SEMA6D: variants seen among roughly 807,000 people sequenced by gnomAD.
SEMA6D encodes semaphorin-6D.
Under a neutral mutation model 106.6 loss-of-function variants are expected in SEMA6D, and 35 were observed. That is an observed-to-expected ratio of 0.33 (90% CI 0.25 to 0.44). The LOEUF is 0.44. Ranked by LOEUF, SEMA6D falls within the 20% of genes least tolerant of loss-of-function variation. The probability of loss-of-function intolerance (pLI) is 1.00; values close to 1 mark genes in which losing one functional copy is unlikely to be tolerated. For missense variants in SEMA6D, 1,185 were observed against 1,345.9 expected (o/e 0.88, Z 1.87); for synonymous variants, 499 against 487.7 (o/e 1.02, Z -0.31).
At chr15:47,716,095 G>T (rs1383572669), upstream of SEMA6D, among the ~76,000 whole-genome samples, 1 of 152,160 alleles carries the variant, frequency 6.6e-6, no homozygotes, top group Non-Finnish European at 1.5e-5. Flanking sequence ...GCCAACAAAA[G>T]ACCTAATAAC....
chr15:47,498,158 TACA>T (rs1197712692), intron 3 of SEMA6D, among the ~76,000 whole-genome samples: 1 of 152,178 alleles, frequency 6.6e-6, no homozygotes, highest in Non-Finnish European at 1.5e-5. Context: ...AGCTACTGCC[TACA>T]ACACCACTTT....
At chr15:47,484,416 G>C (rs2141340079) in intron 3 of SEMA6D, among the ~76,000 whole-genome samples, 1 of 150,062 alleles carries the variant, frequency 6.7e-6, no homozygotes, top group Admixed American at 6.8e-5. Flanking sequence ...GCAGTAGCAA[G>C]GCAAGGCTAT....
At chr15:47,316,868 G>A (rs2143434142) in intron 1 of SEMA6D, among the ~76,000 whole-genome samples, 1 of 152,244 alleles carries the variant, frequency 6.6e-6, no homozygotes, top group South Asian at 2.1e-4. Context: ...ATATTAGTCT[G>A]TATTTTTCTT....
chr15:47,214,012 G>A (rs2030317601), intron 1 of SEMA6D, among the ~76,000 whole-genome samples: 1 of 151,980 alleles, frequency 6.6e-6, no homozygotes, highest in Non-Finnish European at 1.5e-5. Flanking sequence ...GTGGTGGCTC[G>A]CAGACCTGGG....
intron 1 of SEMA6D, among the ~76,000 whole-genome samples, chr15:47,267,868 G>A (rs564506293): frequency 2.6e-5 from 4 of 152,048 alleles, no homozygotes; most frequent in South Asian, 2.1e-4. Flanking sequence ...TTGATTTTAC[G>A]TTACTTATCT....
At chr15:47,508,945 G>T (rs1219219060) in intron 3 of SEMA6D, among the ~76,000 whole-genome samples, 2 of 150,728 alleles carry the variant, frequency 1.3e-5, no homozygotes, top group South Asian at 2.1e-4. Context: ...ATTTCTGCTG[G>T]TTTTTTTTTG....
At chr15:47,715,506 A>G (rs180681725), upstream of SEMA6D, among the ~76,000 whole-genome samples, 268 of 152,316 alleles carry the variant, frequency 1.8e-3, 1 homozygote, top group Middle Eastern at 3.4e-3. Flanking sequence ...TACCATTCGT[A>G]CCATGCCACA....
intron 1 of SEMA6D, among the ~76,000 whole-genome samples, chr15:47,216,774 A>G (rs1009510195): frequency 6.6e-6 from 1 of 152,154 alleles, no homozygotes; most frequent in Non-Finnish European, 1.5e-5. Flanking sequence ...AATATTAAAC[A>G]TCAAATATAA....
At chr15:47,379,290 T>C (rs656813) in intron 1 of SEMA6D, among the ~76,000 whole-genome samples, 19,952 of 152,230 alleles carry the variant, frequency 0.13, 1,430 homozygotes, top group East Asian at 0.29. Flanking sequence ...AAGATATCTG[T>C]GTATATTAAG....
intron 1 of SEMA6D, among the ~76,000 whole-genome samples, chr15:47,355,861 T>G (rs1341945741): frequency 6.6e-6 from 1 of 152,202 alleles, no homozygotes; most frequent in Admixed American, 6.5e-5. Context: ...AGATTATAAT[T>G]ACAAAAACAA....
At chr15:47,218,639 A>G (rs556399821) in intron 1 of SEMA6D, among the ~76,000 whole-genome samples, 2 of 152,322 alleles carry the variant, frequency 1.3e-5, no homozygotes, top group African/African-American at 4.8e-5. Flanking sequence ...AACCCTTTCA[A>G]TTCAAATGCT....
At chr15:47,440,847 A>G (rs970736785) in intron 2 of SEMA6D, among the ~76,000 whole-genome samples, 3 of 152,100 alleles carry the variant, frequency 2.0e-5, no homozygotes, top group Admixed American at 2.0e-4. Context: ...GGAAACAAGA[A>G]AATGAGAATT....
At chr15:47,550,284 A>G (rs1051348665) in intron 3 of SEMA6D, among the ~76,000 whole-genome samples, 1 of 152,212 alleles carries the variant, frequency 6.6e-6, no homozygotes, top group Admixed American at 6.6e-5. Flanking sequence ...TGTTAATGGT[A>G]TAAAATAAAA....
intron 3 of SEMA6D, among the ~76,000 whole-genome samples, chr15:47,578,315 A>G (rs2076192183): frequency 6.6e-6 from 1 of 152,246 alleles, no homozygotes; most frequent in Non-Finnish European, 1.5e-5. Context: ...TATCTGTGGA[A>G]GAAAGTTTAC....
At chr15:47,326,267 A>G (rs766859131) in intron 1 of SEMA6D, among the ~76,000 whole-genome samples, 6 of 152,242 alleles carry the variant, frequency 3.9e-5, no homozygotes, top group Non-Finnish European at 7.3e-5. Context: ...CAGAAATGTT[A>G]TAATAAATGC....
intron 4 of SEMA6D, among the ~76,000 whole-genome samples, chr15:47,634,098 C>T (rs1176805021): frequency 6.6e-6 from 1 of 152,060 alleles, no homozygotes; most frequent in Non-Finnish European, 1.5e-5. Flanking sequence ...TCAAATAATG[C>T]CGACATATGA....
chr15:47,260,960 A>G (rs2034046535), intron 1 of SEMA6D, among the ~76,000 whole-genome samples: 1 of 152,104 alleles, frequency 6.6e-6, no homozygotes, highest in Non-Finnish European at 1.5e-5. Context: ...GGAGGGACCT[A>G]AGGTACCGTA....
rs56185341 is a variant in SEMA6D at position 47,304,433 on chromosome 15, T to TAAAAAAAAA, written c.-238-107932_-238-107924dup. 9.2e-4 allele frequency among the ~76,000 whole-genome samples: 86 copies of TAAAAAAAAA among 93,824 alleles called. 6 individuals carry two copies. The highest frequency in any genetic ancestry group is 4.0e-3 in the East Asian group (8 of 2,000). 61.6% of individuals were successfully genotyped at this position (93,824 alleles called of 152,430 possible). The stretch of plus-strand genomic sequence containing the variant: ...TGCACTCCAGCCTGAGCCTTCTAAC[T>TAAAAAAAAA]AAAAAAAAAAAAAAAAAAAAAAAAA... On this transcript the variant is annotated intron_variant, in intron 1 of 19. Coordinates refer to the SEMA6D transcript ENST00000558014.
At chr15:47,631,463 A>T (rs2144513168) in intron 4 of SEMA6D, among the ~76,000 whole-genome samples, 1 of 152,078 alleles carries the variant, frequency 6.6e-6, no homozygotes, top group East Asian at 1.9e-4. Context: ...CACGAAAAAA[A>T]AATGAAAGAA....
Sources: gnomAD v4.1 joint callset for allele counts (sites outside exome capture counted in the v4.1 genomes callset) on GRCh38, gnomAD v4.1.1 for gene constraint, MANE v1.5 for transcripts, NCBI Gene and HGNC (gene_info 2026-07-23, HGNC 2026-07-21) for gene names.